FHL2: variants seen among roughly 807,000 people sequenced by gnomAD.
The protein encoded by FHL2 is four and a half LIM domains 2.
In FHL2, 20 loss-of-function variants were observed where a neutral mutation model predicts 32.7. That is an observed-to-expected ratio of 0.61 (90% CI 0.43 to 0.89). The LOEUF (loss-of-function observed/expected upper bound fraction) is 0.89. FHL2 is among the 40% of genes least tolerant of loss of function. The pLI is 0.00. For synonymous variants in FHL2, 123 were observed against 128.1 expected (o/e 0.96, Z 0.27); for missense variants, 311 against 358.6 (o/e 0.87, Z 1.07).
At chr2:105,388,349 C>T (rs563251720) in intron 2 of FHL2, among the ~76,000 whole-genome samples, 1 of 152,164 alleles carries the variant, frequency 6.6e-6, no homozygotes, top group East Asian at 1.9e-4. Flanking sequence ...AGTGATGGGC[C>T]CTCCTCTTAT....
At chr2:105,398,390 A>G (rs1252485813) in intron 1 of FHL2, among the ~76,000 whole-genome samples, 1 of 152,128 alleles carries the variant, frequency 6.6e-6, no homozygotes, top group Admixed American at 6.5e-5. Flanking sequence ...CACACTGCAA[A>G]CTCCACTTAT....
downstream of FHL2, chr2:105,359,005 G>C (rs960100999): frequency 6.6e-6 from 1 of 152,190 alleles, no homozygotes; most frequent in Non-Finnish European, 1.5e-5. Context: ...GCCTGCCATT[G>C]GATAAAAGGC....
intron 3 of FHL2, among the ~76,000 whole-genome samples, chr2:105,385,603 G>A (rs1054705657): frequency 2.6e-5 from 4 of 152,236 alleles, no homozygotes; most frequent in African/African-American, 9.6e-5. Flanking sequence ...AGCCACATGA[G>A]GGGTTTCACT....
intron 1 of FHL2, among the ~76,000 whole-genome samples, chr2:105,410,669 A>T (rs935205511): frequency 2.0e-5 from 3 of 152,132 alleles, no homozygotes; most frequent in Admixed American, 1.3e-4. Flanking sequence ...GACGAGAAGG[A>T]TTCTTGGCAC....
At chr2:105,420,991 A>T (rs560512123) in intron 1 of FHL2, among the ~76,000 whole-genome samples, 1 of 152,298 alleles carries the variant, frequency 6.6e-6, no homozygotes, top group Admixed American at 6.5e-5. Context: ...TTTTAGGAGA[A>T]AACGGGGCTC....
Position 105,434,874 on chromosome 2 carries a change from G to T in FHL2, c.-25+3525C>A, listed in dbSNP as rs977492239. On this transcript the variant is annotated intron_variant, in intron 1 of 5. Transcript: ENST00000393352. ...CCTCTCACCTCAGCCTCCGAAACTA[G>T]CTATTATTTTTAATAGACTAAATCA... Among the ~76,000 whole-genome samples the T allele has an allele frequency of 1.2e-4, 18 of 151,872 alleles. 1 individual carries two copies. The highest frequency in any genetic ancestry group is 3.4e-3 in the Middle Eastern group (1 of 294).
chr2:105,409,492 GC>G (rs948408990), intron 1 of FHL2, among the ~76,000 whole-genome samples: 3 of 152,128 alleles, frequency 2.0e-5, no homozygotes, highest in Non-Finnish European at 4.4e-5. Flanking sequence ...CTTTAGGTCA[GC>G]CCCCAAGTTA....
At chr2:105,436,887 G>C (rs1378025176) in intron 1 of FHL2, among the ~76,000 whole-genome samples, 2 of 152,026 alleles carry the variant, frequency 1.3e-5, no homozygotes, top group Admixed American at 6.6e-5. Flanking sequence ...TCTTTCTTTG[G>C]TGGGGAGAGA....
intron 1 of FHL2, among the ~76,000 whole-genome samples, chr2:105,414,106 C>G (rs1373264752): frequency 2.0e-5 from 3 of 152,142 alleles, no homozygotes; most frequent in African/African-American, 4.8e-5. Context: ...GGTAGAGCAG[C>G]TCACAGAACT....
At chr2:105,396,909 A>G in intron 1 of FHL2, 2 of 544,282 alleles carry the variant, frequency 3.7e-6, no homozygotes, top group Admixed American at 6.9e-5. Context: ...CCGCTTAGCG[A>G]CTCAGGCCCG....
chr2:105,399,847 C>T (rs577717793), upstream of FHL2, among the ~76,000 whole-genome samples: 2 of 152,214 alleles, frequency 1.3e-5, no homozygotes, highest in African/African-American at 2.4e-5. Context: ...GGTCCACTTG[C>T]AGAAACCGGT....
At chr2:105,394,593 A>G in intron 2 of FHL2, among the ~76,000 whole-genome samples, 1 of 151,932 alleles carries the variant, frequency 6.6e-6, no homozygotes, top group Non-Finnish European at 1.5e-5. Flanking sequence ...AAAAAAAAAG[A>G]AAAGAAGGAA....
In FHL2 at chr2:105,386,522, C is replaced by T. The variant is rs766118919; in HGVS notation, c.-6G>A. On this transcript the variant is annotated 5_prime_UTR_variant, in exon 3 of 7. Transcript: ENST00000530340. ...CAGTCAAAGCGCTCAGTCATTTTGA[C>T]TCCTGGCTTTTCAGCAACCTATCAA... 1.2e-6 allele frequency: 2 copies of T among 1,614,080 alleles called. No homozygotes were observed. Among genetic ancestry groups the T allele is most frequent in the Non-Finnish European group, 1.7e-6 (2 of 1,180,014 alleles).
At chr2:105,392,318 C>A (rs1333335526) in intron 2 of FHL2, among the ~76,000 whole-genome samples, 3 of 152,020 alleles carry the variant, frequency 2.0e-5, no homozygotes, top group African/African-American at 7.2e-5. Flanking sequence ...ACAAAAAACA[C>A]AAAAAATTTG....
At chr2:105,380,307 C>T (rs1172839093) in intron 3 of FHL2, among the ~76,000 whole-genome samples, 1 of 152,094 alleles carries the variant, frequency 6.6e-6, no homozygotes, top group East Asian at 1.9e-4. Context: ...GCCTGTGCTT[C>T]CTATCACACT....
intron 4 of FHL2, among the ~76,000 whole-genome samples, chr2:105,369,794 C>T (rs1680894919): frequency 6.6e-6 from 1 of 152,230 alleles, no homozygotes; most frequent in Admixed American, 6.5e-5. Context: ...GCAATTATGA[C>T]TCTCATGGCA....
intron 2 of FHL2, among the ~76,000 whole-genome samples, chr2:105,393,612 A>G (rs963458405): frequency 6.6e-6 from 1 of 152,224 alleles, no homozygotes; most frequent in African/African-American, 2.4e-5. Context: ...ACACAGGACC[A>G]GGGGCTTTGT....
At chr2:105,375,617 A>G (rs1681421576) in intron 3 of FHL2, 1 of 152,230 alleles carries the variant, frequency 6.6e-6, no homozygotes, top group African/African-American at 2.4e-5. Flanking sequence ...TCTCAAAACA[A>G]AAGGAATGAA....
intron 5 of FHL2, among the ~76,000 whole-genome samples, chr2:105,366,590 C>T (rs1226034001): frequency 6.6e-6 from 1 of 152,200 alleles, no homozygotes; most frequent in East Asian, 1.9e-4. Flanking sequence ...AGTCAGAGGG[C>T]ACAGCAGAAA....
Sources: allele counts gnomAD v4.1 joint callset (sites outside exome capture counted in the v4.1 genomes callset), GRCh38; gene constraint gnomAD v4.1.1; transcripts MANE v1.5; gene names NCBI Gene and HGNC (gene_info 2026-07-23, HGNC 2026-07-21).